TRIM2: variants seen among roughly 807,000 people sequenced by gnomAD.
The protein encoded by TRIM2 is tripartite motif containing 2.
Under a neutral mutation model 75.2 loss-of-function variants are expected in TRIM2, and 20 were observed. The ratio of observed to expected loss-of-function variants is 0.27; its 90% CI spans 0.19 to 0.39. The LOEUF (loss-of-function observed/expected upper bound fraction) is 0.39, where lower values mean the gene tolerates loss of function less well. TRIM2 is among the 10% of genes least tolerant of loss of function. TRIM2 has a pLI of 1.00. For missense variants in TRIM2, 660 were observed against 990.8 expected (o/e 0.67, Z 4.48); for synonymous variants, 373 against 388.3 (o/e 0.96, Z 0.46).
chr4:153,338,937 G>A lies in TRIM2; in HGVS notation c.*3971G>A. On this transcript the variant is annotated 3_prime_UTR_variant, in exon 12 of 12. Transcript: ENST00000338700. ...CAATTCTATAGACTTTCAAGCCTAT[G>A]TATGAATATGAAGGGGTTTTTTTTT... is the stretch of plus-strand genomic sequence containing the variant. The A allele has an allele frequency of 2.0e-6, 2 of 979,616 alleles. No individual in the cohort carries two copies. Among genetic ancestry groups the A allele is most frequent in the African/African-American group, 1.8e-5 (1 of 55,216 alleles). 60.7% of individuals were successfully genotyped at this position (979,616 alleles called of 1,614,324 possible).
chr4:153,336,275 C>T lies in TRIM2; in HGVS notation c.*1309C>T. Reference sequence around the variant, plus strand: ...CGTCCTAGTGGAGCAAGCCCTAAAGCAGATTTAATTTTTGCCATTTTCCAA... The same window carrying T: ...CGTCCTAGTGGAGCAAGCCCTAAAGTAGATTTAATTTTTGCCATTTTCCAA... On this transcript the variant is annotated 3_prime_UTR_variant, in exon 12 of 12. Transcript: ENST00000338700. The T allele has an allele frequency of 1.0e-6, 1 of 984,110 alleles. No homozygotes were observed. The highest frequency in any genetic ancestry group is 1.2e-6 in the Non-Finnish European group (1 of 829,686). 61.0% of individuals were successfully genotyped at this position (984,110 alleles called of 1,614,324 possible). A position where few individuals can be genotyped will look rare whatever the true frequency, so the allele number is the denominator to read the frequency against.
At chr4:153,307,074 C>T (rs559756427) in intron 6 of TRIM2, among the ~76,000 whole-genome samples, 1 of 152,260 alleles carries the variant, frequency 6.6e-6, no homozygotes, top group South Asian at 2.1e-4. Context: ...TATTACATTA[C>T]TCTAATATTG....
At chr4:153,271,819 A>G (rs1756746778) in intron 2 of TRIM2, among the ~76,000 whole-genome samples, 1 of 152,202 alleles carries the variant, frequency 6.6e-6, no homozygotes, top group African/African-American at 2.4e-5. Context: ...AGCAGTCGGC[A>G]TAGCTTGGCT....
At chr4:153,293,557 G>C (rs751659243) in intron 4 of TRIM2, among the ~76,000 whole-genome samples, 35 of 152,152 alleles carry the variant, frequency 2.3e-4, no homozygotes, top group Middle Eastern at 3.2e-3. Flanking sequence ...CTTGAGCAGT[G>C]ATTGCTAATT....
At chr4:153,290,623 T>C (rs532428849) in intron 3 of TRIM2, among the ~76,000 whole-genome samples, 3 of 152,290 alleles carry the variant, frequency 2.0e-5, no homozygotes, top group East Asian at 3.9e-4. Flanking sequence ...TAATGAGAAG[T>C]GTGAATACTT....
chr4:153,334,705 AAAAG>A (rs1307859208), intron 11 of TRIM2, 105 bp from the exon 12 acceptor site: 51 of 1,111,170 alleles, frequency 4.6e-5, no homozygotes, highest in Non-Finnish European at 5.4e-5. Flanking sequence ...GACCCTGTCA[AAAAG>A]AAAGAAAGAA....
In TRIM2 at chr4:153,334,981, A is replaced by T. The variant is rs531286886; in HGVS notation, c.*15A>T. The T allele has an allele frequency of 5.0e-6, 8 of 1,606,806 alleles. No individual in the cohort carries two copies. Among genetic ancestry groups the T allele is most frequent in the Non-Finnish European group, 6.8e-6 (8 of 1,175,194 alleles). ...ACTTACAGTAATGGTGGGCAGGTGGATACCCGCTTCCATGGTCTTGCACTA... is the reference window on the plus strand; with the variant it reads ...ACTTACAGTAATGGTGGGCAGGTGGTTACCCGCTTCCATGGTCTTGCACTA... On this transcript the variant is annotated 3_prime_UTR_variant, in exon 12 of 12. Transcript: ENST00000338700.
At chr4:153,267,105 G>GGAATGT (rs1308489936) in intron 1 of TRIM2, 1 of 149,768 alleles carries the variant, frequency 6.7e-6, no homozygotes, top group Non-Finnish European at 1.5e-5. Flanking sequence ...GGAAAAGAAT[G>GGAATGT]TTTTCTTTAG....
chr4:153,335,726 T>C lies in TRIM2; in HGVS notation c.*760T>C. On this transcript the variant is annotated 3_prime_UTR_variant, in exon 12 of 12. Transcript: ENST00000338700. The stretch of plus-strand genomic sequence containing the variant: ...ATATTACAAAAGTAATGCTACCTTT[T>C]GGGAAACAAACTGCCCCGTTAACTC... 1 of 985,740 alleles carries C rather than the reference T, an allele frequency of 1.0e-6. No individual in the cohort carries two copies. The highest frequency in any genetic ancestry group is 1.2e-6 in the Non-Finnish European group (1 of 829,926). The allele number at this position is 985,740 out of a possible 1,614,324, so 61.1% of individuals were successfully genotyped here. A position where few individuals can be genotyped will look rare whatever the true frequency, so the allele number is the denominator to read the frequency against.
At chr4:153,268,489 C>CAG (rs1755849399) in intron 1 of TRIM2, among the ~76,000 whole-genome samples, 1 of 152,224 alleles carries the variant, frequency 6.6e-6, no homozygotes, top group African/African-American at 2.4e-5. Context: ...GGTCTGATCT[C>CAG]TTTCACTGCC....
Position 153,259,357 on chromosome 4 carries a change from C to T in TRIM2, c.31-10978C>T, listed in dbSNP as rs924534854. 2.6e-5 allele frequency among the ~76,000 whole-genome samples: 4 copies of T among 152,078 alleles called. No individual in the cohort carries two copies. In the East Asian group the frequency reaches 5.8e-4, roughly 22 times the overall value. On this transcript the variant is annotated intron_variant, in intron 1 of 11. Coordinates refer to ENST00000338700, the MANE Select transcript of TRIM2 (RefSeq NM_015271.5). Reference sequence around the variant, plus strand: ...TGTTCTTTATCTGGGTATCCTTAGGCGTTAATTTCTCCATACTTAGGGCTT... The same window carrying T: ...TGTTCTTTATCTGGGTATCCTTAGGTGTTAATTTCTCCATACTTAGGGCTT...
intron 3 of TRIM2, among the ~76,000 whole-genome samples, chr4:153,277,606 T>G (rs1758320963): frequency 6.6e-6 from 1 of 152,186 alleles, no homozygotes; most frequent in African/African-American, 2.4e-5. Flanking sequence ...GCAAAGTAGT[T>G]GTTGGTTACT....
Position 153,223,701 on chromosome 4 carries a change from T to A in TRIM2, c.30+19141T>A, listed in dbSNP as rs1579761981. Among the ~76,000 whole-genome samples, 3 of 152,286 alleles carry A rather than the reference T, an allele frequency of 2.0e-5. No homozygotes were observed. In the South Asian group the frequency reaches 6.2e-4, roughly 32 times the overall value. On this transcript the variant is annotated intron_variant, in intron 1 of 11. Coordinates refer to ENST00000338700, the MANE Select transcript of TRIM2 (RefSeq NM_015271.5). ...TCCAAAGCATTCTGTGAACCCCAAATTCGTTCCGACCTGTAATCCAACCCC... is the reference window on the plus strand; with the variant it reads ...TCCAAAGCATTCTGTGAACCCCAAAATCGTTCCGACCTGTAATCCAACCCC...
intron 1 of TRIM2, 127 bp downstream of exon 1, chr4:153,204,687 G>T: frequency 8.1e-7 from 1 of 1,239,660 alleles, no homozygotes; most frequent in South Asian, 1.3e-5. Flanking sequence ...TGCAGAAGAG[G>T]GAAGGAAAAG....
At chr4:153,159,926 G>A (rs374528729) in intron 1 of TRIM2, among the ~76,000 whole-genome samples, 44 of 152,218 alleles carry the variant, frequency 2.9e-4, no homozygotes, top group African/African-American at 9.6e-4. Flanking sequence ...ACGTAGGATC[G>A]TCTATTTCCA....
chr4:153,338,830 C>T lies in TRIM2; in HGVS notation c.*3864C>T, dbSNP rs1772758633. On this transcript the variant is annotated 3_prime_UTR_variant, in exon 12 of 12. Coordinates refer to ENST00000338700, the MANE Select transcript of TRIM2 (RefSeq NM_015271.5). ...CTTTTGAAAGCAACACAGCCTTAAA[C>T]TCAATGCTTTTGCTTTATGACATGG... is the stretch of plus-strand genomic sequence containing the variant. The T allele has an allele frequency of 3.0e-6, 3 of 985,768 alleles. No homozygotes were observed. The highest frequency in any genetic ancestry group is 3.6e-6 in the Non-Finnish European group (3 of 829,912). 61.1% of individuals were successfully genotyped at this position (985,768 alleles called of 1,614,324 possible). A position where few individuals can be genotyped will look rare whatever the true frequency, so the allele number is the denominator to read the frequency against.
chr4:153,304,111 T>TCTTC (rs773460776), intron 6 of TRIM2, among the ~76,000 whole-genome samples: 39 of 152,142 alleles, frequency 2.6e-4, no homozygotes, highest in Non-Finnish European at 4.4e-4. Context: ...ACTTTTTTTT[T>TCTTC]CTTTCTTTCT....
intron 1 of TRIM2, among the ~76,000 whole-genome samples, chr4:153,169,107 A>G (rs1730593073): frequency 6.6e-6 from 1 of 152,172 alleles, no homozygotes; most frequent in South Asian, 2.1e-4. Flanking sequence ...ATACATTCTC[A>G]TAGTGTTGAT....
At chr4:153,154,025 C>G (rs1728993465) in intron 1 of TRIM2, among the ~76,000 whole-genome samples, 1 of 151,950 alleles carries the variant, frequency 6.6e-6, no homozygotes, top group Non-Finnish European at 1.5e-5. Flanking sequence ...TGAAGTTCAA[C>G]TCAGTTTTAT....
Sources: allele counts gnomAD v4.1 joint callset (sites outside exome capture counted in the v4.1 genomes callset), GRCh38; gene constraint gnomAD v4.1.1; transcripts MANE v1.5; gene names NCBI Gene and HGNC (gene_info 2026-07-23, HGNC 2026-07-21).